SEC31B: variants seen among roughly 807,000 people sequenced by gnomAD.
The protein encoded by SEC31B is SEC31 homolog B, COPII component.
Under a neutral mutation model 135.0 loss-of-function variants are expected in SEC31B, and 113 were observed. The observed-to-expected ratio is 0.84, with a 90% CI of 0.72 to 0.98. The LOEUF is 0.98. SEC31B is among the 50% of genes least tolerant of loss of function. SEC31B has a pLI of 0.00. For synonymous variants in SEC31B, 508 were observed against 549.4 expected (o/e 0.92, Z 1.05); for missense variants, 1,296 against 1,421.1 (o/e 0.91, Z 1.42).
chr10:100,499,420 T>C, intron 12 of SEC31B, 104 bp downstream of exon 12: 2 of 1,117,480 alleles, frequency 1.8e-6, no homozygotes, highest in East Asian at 4.7e-5. Flanking sequence ...TGCTCACATA[T>C]GCAATAATAA....
chr10:100,505,987 CACAA>C (rs1198871753), intron 9 of SEC31B, 49 bp downstream of exon 9: 7 of 1,608,838 alleles, frequency 4.4e-6, no homozygotes, highest in Admixed American at 1.7e-5. Flanking sequence ...GTCTCTCTCC[CACAA>C]ACAGAGACAG....
intron 13 of SEC31B, 40 bp from the exon 14 acceptor site, chr10:100,498,844 CCCAAGACA>C (rs1851463975): frequency 6.9e-7 from 1 of 1,459,624 alleles, no homozygotes; most frequent in East Asian, 2.3e-5. Flanking sequence ...TAGGGATGAA[CCCAAGACA>C]GACAGAGAGC....
chr10:100,504,861 A>G (rs1029176246), intron 10 of SEC31B, among the ~76,000 whole-genome samples: 2 of 152,054 alleles, frequency 1.3e-5, no homozygotes, highest in African/African-American at 4.8e-5. Flanking sequence ...GTTATTTACA[A>G]AACAGAAAGA....
At chr10:100,506,527 C>A (rs765638054) in intron 7 of SEC31B, 107 bp from the exon 8 acceptor site, 94 of 876,604 alleles carry the variant, frequency 1.1e-4, no homozygotes, top group Admixed American at 8.2e-4. Context: ...ACCATCCATG[C>A]CCTATAAAAT....
chr10:100,492,663 A>G (rs941365210), intron 19 of SEC31B, among the ~76,000 whole-genome samples: 2 of 152,218 alleles, frequency 1.3e-5, no homozygotes, highest in Non-Finnish European at 2.9e-5. Context: ...TGTCTATTAG[A>G]AAACCCCATG....
chr10:100,507,350 G>A, intron 7 of SEC31B, 75 bp downstream of exon 7: 2 of 1,570,512 alleles, frequency 1.3e-6, no homozygotes, highest in Admixed American at 1.7e-5. Context: ...CTAAAGTGAG[G>A]GATACATTGC....
At chr10:100,498,368 G>A in intron 14 of SEC31B, 161 bp from the exon 15 acceptor site, 1 of 734,332 alleles carries the variant, frequency 1.4e-6, no homozygotes. Flanking sequence ...AATGTATTTT[G>A]GTGCCCAGGT....
At position 100,509,082 on chromosome 10, in the gene SEC31B, C is replaced by T; in HGVS notation, c.420G>A (p.Gly140=). 1 of 1,614,086 alleles carries T rather than the reference C, an allele frequency of 6.2e-7. No homozygotes were observed. Among genetic ancestry groups the T allele is most frequent in the Non-Finnish European group, 8.5e-7 (1 of 1,179,992 alleles). ...AAATGAAGATTTCAGAATCGCTGGC[C>T]CCTGAAGCCAGGAGGTTGCCCTGTA... is the stretch of plus-strand genomic sequence containing the variant. ...NPFQGNLLAS[G]ASDSEIFIWD... The change falls in exon 5 of 26, where the codon GGG becomes GGA. Residue 140 remains glycine, a synonymous_variant. Coordinates refer to ENST00000370345, the MANE Select transcript of SEC31B (RefSeq NM_015490.4).
Position 100,516,861 on chromosome 10 carries a change from A to T in SEC31B, c.79+13T>A. ...GTACTCCCAGTGGATCCTAATTCACAGTGTCACCATACCTGTGGCCAGATA... is the reference window on the plus strand; with the variant it reads ...GTACTCCCAGTGGATCCTAATTCACTGTGTCACCATACCTGTGGCCAGATA... On this transcript the variant is annotated intron_variant, in intron 2 of 25. Transcript: ENST00000370345. 1 of 1,603,410 alleles carries T rather than the reference A, an allele frequency of 6.2e-7. No individual in the cohort carries two copies. Among genetic ancestry groups the T allele is most frequent in the African/African-American group, 1.3e-5 (1 of 74,796 alleles).
chr10:100,490,390 G>A, intron 20 of SEC31B, 68 bp from the exon 21 acceptor site: 1 of 1,438,546 alleles, frequency 7.0e-7, no homozygotes. Context: ...GAGCATATCA[G>A]GGAGAAACAG....
At chr10:100,496,494 C>G (rs1006487588) in intron 17 of SEC31B, 63 bp from the exon 18 acceptor site, 1 of 1,558,434 alleles carries the variant, frequency 6.4e-7, no homozygotes, top group Non-Finnish European at 8.8e-7. Context: ...TCTAAGTCCA[C>G]GCAGCTCATT....
At chr10:100,516,747 G>A in intron 2 of SEC31B, 127 bp downstream of exon 2, 1 of 697,148 alleles carries the variant, frequency 1.4e-6, no homozygotes, top group Non-Finnish European at 2.4e-6. Flanking sequence ...CCTTGCTTAT[G>A]CTGTGAGCCA....
At chr10:100,490,433 C>A in intron 20 of SEC31B, 111 bp from the exon 21 acceptor site, 1 of 1,133,376 alleles carries the variant, frequency 8.8e-7, no homozygotes, top group Non-Finnish European at 1.2e-6. Context: ...ATGATTAATA[C>A]ATGTATATGG....
rs1322565864 is a variant in SEC31B at position 100,487,645 on chromosome 10, G to C, written c.3511C>G (p.Leu1171Val). Residue 1171 changes from leucine (L) to valine (V), a missense_variant, in exon 26 of 26, where the codon CTC (leucine) becomes GTC (valine). Leu to Val is a conservative substitution (Grantham distance 32). Coordinates refer to ENST00000370345, the MANE Select transcript of SEC31B (RefSeq NM_015490.4). ...ACCAGCAGCTTATGAGCGATGATGA[G>C]GACAGCCTTCAGGATAGGCATGAAG... ...SSFMPILKAV[L>V]IIAHKLLV The C allele has an allele frequency of 6.2e-7, 1 of 1,613,486 alleles. No homozygotes were observed. The highest frequency in any genetic ancestry group is 2.2e-5 in the East Asian group (1 of 44,880).
At chr10:100,501,340 C>T (rs1851520809) in intron 11 of SEC31B, among the ~76,000 whole-genome samples, 2 of 152,178 alleles carry the variant, frequency 1.3e-5, no homozygotes, top group South Asian at 4.1e-4. Flanking sequence ...GGAGTAAAGG[C>T]TGAACTCCTG....
intron 14 of SEC31B, among the ~76,000 whole-genome samples, 183 bp downstream of exon 14, chr10:100,498,522 A>G (rs1426471257): frequency 2.0e-5 from 3 of 152,176 alleles, no homozygotes; most frequent in African/African-American, 7.2e-5. Context: ...TTCCATAGGA[A>G]GGACGTATCC....
chr10:100,503,676 C>A (rs1033098161), intron 10 of SEC31B, among the ~76,000 whole-genome samples: 5 of 151,882 alleles, frequency 3.3e-5, no homozygotes, highest in African/African-American at 1.2e-4. Context: ...CTCAGGTGAT[C>A]CACCTGCCTC....
At chr10:100,499,499 G>A in intron 12 of SEC31B, 25 bp downstream of exon 12, 1 of 1,561,774 alleles carries the variant, frequency 6.4e-7, no homozygotes, top group Non-Finnish European at 8.8e-7. Context: ...ACAAGTACAT[G>A]TTTCTGATGT....
At position 100,489,291 on chromosome 10, in the gene SEC31B, A is replaced by G. The variant is rs770369857; in HGVS notation, c.3132T>C (p.Ser1044=). The change falls in exon 23 of 26, where the codon AGT becomes AGC. Residue 1044 remains serine (S), a synonymous_variant. Transcript: ENST00000370345. ...LPSQPPVSSV[S]HAPPGVPGEL... ...CTCCTGGAACTCCTGGGGGAGCATG[A>G]CTCACACTGGAGACAGGGGGCTGTG... The G allele has an allele frequency of 2.5e-6, 4 of 1,612,726 alleles. No homozygotes were observed. The South Asian group carries it at 3.3e-5, about 13-fold the overall frequency.
Sources: gnomAD v4.1 joint callset for allele counts (sites outside exome capture counted in the v4.1 genomes callset) on GRCh38, gnomAD v4.1.1 for gene constraint, MANE v1.5 for transcripts, NCBI Gene and HGNC (gene_info 2026-07-23, HGNC 2026-07-21) for gene names.